TINAG: variants seen among roughly 807,000 people sequenced by gnomAD.
TINAG encodes tubulointerstitial nephritis antigen.
Under a neutral mutation model 72.7 loss-of-function variants are expected in TINAG, and 83 were observed. The observed-to-expected ratio is 1.14, with a 90% confidence interval of 0.96 to 1.37. The LOEUF is 1.37. Among genes scored for constraint, TINAG ranks in the 40% most tolerant of loss-of-function variants. The probability of loss-of-function intolerance (pLI) is 0.00; values close to 1 mark genes in which losing one functional copy is unlikely to be tolerated. For synonymous variants in TINAG, 234 were observed against 189.9 expected, an observed-to-expected ratio of 1.23 and a Z score of -1.91; for missense variants, 685 against 576.6, an observed-to-expected ratio of 1.19 and a Z score of -1.93.
chr6:54,309,671 A>G (rs1045247425), intron 1 of TINAG, among the ~76,000 whole-genome samples: 1 of 152,140 alleles, frequency 6.6e-6, no homozygotes, highest in Non-Finnish European at 1.5e-5. Flanking sequence ...CTCTCATTGT[A>G]TTAAATCTCC....
At chr6:54,341,145 C>A (rs985576999) in intron 4 of TINAG, among the ~76,000 whole-genome samples, 11 of 152,058 alleles carry the variant, frequency 7.2e-5, no homozygotes, top group Non-Finnish European at 1.5e-5. Flanking sequence ...AATTGACACT[C>A]CACTATTTTT....
chr6:54,329,256 T>C (rs1394814674), intron 4 of TINAG, among the ~76,000 whole-genome samples: 2 of 152,090 alleles, frequency 1.3e-5, no homozygotes, highest in Non-Finnish European at 2.9e-5. Flanking sequence ...GGGAAGCCCA[T>C]CAGACTAAAA....
At chr6:54,360,959 G>C (rs561550330) in intron 9 of TINAG, among the ~76,000 whole-genome samples, 1 of 138,812 alleles carries the variant, frequency 7.2e-6, no homozygotes, top group East Asian at 2.2e-4. Context: ...GAGTCTCTGT[G>C]TTACATTTTG....
chr6:54,389,654 A>C (rs758620285), intron 10 of TINAG, 137 bp from the exon 11 acceptor site: 24 of 1,081,820 alleles, frequency 2.2e-5, no homozygotes, highest in Non-Finnish European at 3.1e-5. Context: ...CCATTATTTA[A>C]AAATAGGTAA....
In TINAG at chr6:54,308,839, G is replaced by A. The variant is rs1490204542; in HGVS notation, c.289G>A (p.Asp97Asn). The A allele has an allele frequency of 2.5e-6, 4 of 1,613,764 alleles. No individual in the cohort carries two copies. In the Admixed American group the frequency reaches 5.0e-5, roughly 20 times the overall value. Reference protein sequence around the residue: ...CDRENSDCCPDYKSFCREEKE... With the variant: ...CDRENSDCCPNYKSFCREEKE... ...CAGAGAAAATTCTGATTGCTGTCCT[G>A]ACTACAAGTCCTTTTGCCGTGAAGA... The change falls in exon 1 of 11, where the codon GAC becomes AAC. Residue 97 changes from aspartate to asparagine, a missense_variant. Asp to Asn is a conservative substitution (Grantham distance 23, BLOSUM62 1). Transcript: ENST00000259782.
intron 9 of TINAG, among the ~76,000 whole-genome samples, chr6:54,359,052 T>G (rs1481076446): frequency 2.0e-5 from 3 of 151,866 alleles, no homozygotes; most frequent in African/African-American, 7.2e-5. Context: ...AAAGGTTTTT[T>G]TGTTATTCAA....
At chr6:54,322,354 A>G (rs568498526) in intron 3 of TINAG, among the ~76,000 whole-genome samples, 1 of 152,186 alleles carries the variant, frequency 6.6e-6, no homozygotes, top group African/African-American at 2.4e-5. Flanking sequence ...CAAGAAACAT[A>G]AAAAGATACA....
At chr6:54,357,863 A>G (rs1037777387) in intron 9 of TINAG, among the ~76,000 whole-genome samples, 13 of 151,914 alleles carry the variant, frequency 8.6e-5, no homozygotes, top group African/African-American at 3.1e-4. Flanking sequence ...AGATCTTGTT[A>G]TTCTTTGTTC....
chr6:54,343,574 C>T (rs747957256), intron 5 of TINAG, among the ~76,000 whole-genome samples: 13 of 149,020 alleles, frequency 8.7e-5, no homozygotes, highest in Non-Finnish European at 1.2e-4. Flanking sequence ...AAATAGAGAG[C>T]GAATCAAAAG....
chr6:54,385,908 A>T (rs548331572), intron 10 of TINAG, among the ~76,000 whole-genome samples: 1 of 105,950 alleles, frequency 9.4e-6, no homozygotes, highest in African/African-American at 4.8e-5. Flanking sequence ...TTTTTTTCAG[A>T]CGGAGTCTCA....
At position 54,343,228 on chromosome 6, in the gene TINAG, T is replaced by C; in HGVS notation, c.627T>C (p.Ala209=). Residue 209 remains alanine, a splice_region_variant and synonymous_variant, in exon 5 of 11, where the codon GCT becomes GCC. Transcript: ENST00000259782. The stretch of plus-strand genomic sequence containing the variant: ...ATGTACCTCTTCTTCCTCTTTAGGC[T>C]TCTTTACCTGCAACAACTGATCTTC... ...PMLLSMNEMT[A]SLPATTDLPE... is the part of the protein sequence containing the mutation. 1.3e-6 allele frequency: 2 copies of C among 1,557,312 alleles called. No homozygotes were observed. Among genetic ancestry groups the C allele is most frequent in the Non-Finnish European group, 1.7e-6 (2 of 1,149,074 alleles).
At chr6:54,338,447 A>T (rs977751396) in intron 4 of TINAG, among the ~76,000 whole-genome samples, 2 of 151,774 alleles carry the variant, frequency 1.3e-5, no homozygotes, top group Admixed American at 1.3e-4. Context: ...TTTGGCCGGG[A>T]GGTGTGGCTC....
Position 54,308,575 on chromosome 6 carries a change from ATCTTC to A in TINAG, c.30_34del (p.Phe10LeufsTer26), listed in dbSNP as rs1784163661. 6.2e-7 allele frequency: 1 copy of A among 1,612,304 alleles called. No individual in the cohort carries two copies. Among genetic ancestry groups the A allele is most frequent in the Non-Finnish European group, 8.5e-7 (1 of 1,179,328 alleles). On this transcript the variant is annotated frameshift_variant, in exon 1 of 11. Transcript: ENST00000259782. LOFTEE classifies it high-confidence loss of function. ...AATGTGGACCGGATATAAGATCTTA[ATCTTC>A]TCTTATCTTACTACAGAAATCTGGA...
At chr6:54,347,249 A>T in intron 5 of TINAG, 118 bp from the exon 6 acceptor site, 2 of 932,474 alleles carry the variant, frequency 2.1e-6, no homozygotes, top group Non-Finnish European at 3.1e-6. Context: ...CTTTGGCTTT[A>T]ATTATAAATT....
rs1162831281 is a variant in TINAG, at chr6:54,308,592, T to C, written c.42T>C (p.Thr14=). 3 of 1,613,208 alleles carry C rather than the reference T, an allele frequency of 1.9e-6. No individual in the cohort carries two copies. The highest frequency in any genetic ancestry group is 2.2e-5 in the East Asian group (1 of 44,872). ...AGATCTTAATCTTCTCTTATCTTAC[T>C]ACAGAAATCTGGATGGAGAAGCAGT... The part of the protein sequence containing the change: ...GYKILIFSYL[T]TEIWMEKQYL... The change falls in exon 1 of 11, where the codon ACT becomes ACC. Residue 14 remains threonine (T), a synonymous_variant. Transcript: ENST00000259782.
chr6:54,325,002 A>C (rs1784571930), intron 3 of TINAG, among the ~76,000 whole-genome samples: 1 of 152,138 alleles, frequency 6.6e-6, no homozygotes, highest in Admixed American at 6.6e-5. Flanking sequence ...TCCTAGTTTA[A>C]GCATTTTACT....
chr6:54,379,663 G>T (rs1385444856), intron 9 of TINAG, among the ~76,000 whole-genome samples: 2 of 152,072 alleles, frequency 1.3e-5, no homozygotes, highest in African/African-American at 4.8e-5. Flanking sequence ...TGGTAGATTT[G>T]TTTGGTAGAG....
Position 54,343,620 on chromosome 6 carries a change from A to G in TINAG, c.748+271A>G, listed in dbSNP as rs181484390. ...TAAATTTACTAAAATGTGTTTGTCT[A>G]TTCAGAGTTAAGGCCAAATAATAAA... On this transcript the variant is annotated intron_variant, in intron 5 of 10. Coordinates refer to ENST00000259782, the MANE Select transcript of TINAG (RefSeq NM_014464.4). Among the ~76,000 whole-genome samples, 62 of 151,936 alleles carry G rather than the reference A, an allele frequency of 4.1e-4. 1 individual carries two copies. The highest frequency in any genetic ancestry group is 3.4e-3 in the Middle Eastern group (1 of 292).
At chr6:54,341,929 A>T (rs1000722196) in intron 4 of TINAG, among the ~76,000 whole-genome samples, 4 of 152,182 alleles carry the variant, frequency 2.6e-5, no homozygotes, top group Non-Finnish European at 5.9e-5. Context: ...TAGTTTTCTC[A>T]TTCATAAAAA....
Sources: allele counts gnomAD v4.1 joint callset (sites outside exome capture counted in the v4.1 genomes callset), GRCh38; gene constraint gnomAD v4.1.1; transcripts MANE v1.5; gene names NCBI Gene and HGNC (gene_info 2026-07-23, HGNC 2026-07-21).